PAWR: variants seen among roughly 807,000 people sequenced by gnomAD.
PAWR encodes the protein pro-apoptotic WT1 regulator, also known as PRKC apoptosis WT1 regulator protein.
Under a neutral mutation model 32.0 loss-of-function variants are expected in PAWR, and 23 were observed. That is an observed-to-expected ratio of 0.72 (90% CI 0.52 to 1.02). PAWR has a LOEUF of 1.02. Among genes scored for constraint, PAWR ranks in the 50% least tolerant of loss-of-function variants. The pLI is 0.00. For missense variants in PAWR, 457 were observed against 437.7 expected (o/e 1.04, Z -0.39); for synonymous variants, 226 against 187.1 (o/e 1.21, Z -1.70).
intron 2 of PAWR, among the ~76,000 whole-genome samples, chr12:79,686,445 T>G (rs1404031651): frequency 2.0e-5 from 3 of 152,176 alleles, no homozygotes; most frequent in Admixed American, 1.3e-4. Context: ...GTCCAACAGT[T>G]GTTATCACTG....
chr12:79,639,049 G>A lies in PAWR; in HGVS notation c.517-17842C>T, dbSNP rs1412445123. Among the ~76,000 whole-genome samples, 6 of 148,086 alleles carry A rather than the reference G, an allele frequency of 4.1e-5. No individual in the cohort carries two copies. In the East Asian group the frequency reaches 1.2e-3, roughly 30 times the overall value. On this transcript the variant is annotated intron_variant, in intron 2 of 6. Coordinates refer to ENST00000328827, the MANE Select transcript of PAWR (RefSeq NM_002583.4). ...TGCCTCAGCCTCCTGAGTAGCTGGG[G>A]TTACAGGCGCATGCCACCACGCACA... is the stretch of plus-strand genomic sequence containing the variant.
chr12:79,595,870 T>C (rs886717868), intron 5 of PAWR, among the ~76,000 whole-genome samples: 1 of 151,556 alleles, frequency 6.6e-6, no homozygotes, highest in Non-Finnish European at 1.5e-5. Flanking sequence ...AATAAATAAA[T>C]AAAAATAAAT....
At chr12:79,637,572 A>C (rs1219491496) in intron 2 of PAWR, among the ~76,000 whole-genome samples, 1 of 151,498 alleles carries the variant, frequency 6.6e-6, no homozygotes, top group Non-Finnish European at 1.5e-5. Flanking sequence ...AATTGAAATA[A>C]GGTCAAATTA....
At chr12:79,664,232 CT>C (rs904380516) in intron 2 of PAWR, among the ~76,000 whole-genome samples, 1 of 152,084 alleles carries the variant, frequency 6.6e-6, no homozygotes, top group East Asian at 1.9e-4. Flanking sequence ...TAGACCCCAA[CT>C]TTTTTTTAAG....
intron 3 of PAWR, among the ~76,000 whole-genome samples, chr12:79,619,659 G>A (rs1874908719): frequency 6.6e-6 from 1 of 152,158 alleles, no homozygotes; most frequent in Non-Finnish European, 1.5e-5. Context: ...AAGTACAACT[G>A]TTAAGACTGG....
intron 2 of PAWR, among the ~76,000 whole-genome samples, chr12:79,637,243 AG>A (rs1294042721): frequency 6.6e-6 from 1 of 152,124 alleles, no homozygotes; most frequent in Non-Finnish European, 1.5e-5. Context: ...GTGTGGATTA[AG>A]TGCCTGTGCT....
intron 2 of PAWR, among the ~76,000 whole-genome samples, chr12:79,627,353 T>G (rs956877104): frequency 1.4e-4 from 22 of 152,334 alleles, no homozygotes; most frequent in African/African-American, 5.3e-4. Flanking sequence ...ATGATGAGCA[T>G]TTTTTCATGT....
intron 2 of PAWR, among the ~76,000 whole-genome samples, chr12:79,625,960 C>G (rs1365144238): frequency 1.3e-5 from 2 of 150,480 alleles, no homozygotes; most frequent in Non-Finnish European, 3.0e-5. Flanking sequence ...GTCAGGAGAT[C>G]GAGACCATCC....
chr12:79,666,674 A>G (rs1271828661), intron 2 of PAWR, among the ~76,000 whole-genome samples: 2 of 152,196 alleles, frequency 1.3e-5, no homozygotes, highest in African/African-American at 4.8e-5. Flanking sequence ...ACAGTGGACC[A>G]ATTTTCTAAA....
At chr12:79,689,270 AT>A (rs1878842692) in intron 2 of PAWR, among the ~76,000 whole-genome samples, 1 of 152,206 alleles carries the variant, frequency 6.6e-6, no homozygotes, top group Non-Finnish European at 1.5e-5. Flanking sequence ...CTAAGGCAAC[AT>A]TTTCTTTACA....
At position 79,596,713 on chromosome 12, in the gene PAWR, C is replaced by A. The variant is rs115928733; in HGVS notation, c.684-55G>T. The A allele has an allele frequency of 4.1e-4, 484 of 1,190,542 alleles. 1 individual carries two copies. The African/African-American group carries it at 5.7e-3, about 14-fold the overall frequency. 73.7% of individuals were successfully genotyped at this position (1,190,542 alleles called of 1,614,324 possible). A position where few individuals can be genotyped will look rare whatever the true frequency, so the allele number is the denominator to read the frequency against. On this transcript the variant is annotated intron_variant, in intron 4 of 6. Coordinates refer to ENST00000328827, the MANE Select transcript of PAWR (RefSeq NM_002583.4). ...CCCTAGTATTCAGCAAGAAAAATGCCAAGAATATTTTCTATTGAGCTTAAA... is the reference window on the plus strand; with the variant it reads ...CCCTAGTATTCAGCAAGAAAAATGCAAAGAATATTTTCTATTGAGCTTAAA...
chr12:79,675,536 A>G (rs2136866179), intron 2 of PAWR, among the ~76,000 whole-genome samples: 1 of 152,328 alleles, frequency 6.6e-6, no homozygotes, highest in South Asian at 2.1e-4. Flanking sequence ...CATAAACACC[A>G]TGGAATCCTA....
Position 79,674,575 on chromosome 12 carries a change from G to C in PAWR, c.516+15154C>G, listed in dbSNP as rs540172669. Among the ~76,000 whole-genome samples, 37 of 152,170 alleles carry C rather than the reference G, an allele frequency of 2.4e-4. 1 individual carries two copies. The highest frequency in any genetic ancestry group is 8.4e-4 in the African/African-American group (35 of 41,554). ...ACAAGTGGGACCTAATCAAACTAAA[G>C]AGCTTCTGCACAGCAAAATAAACTA... On this transcript the variant is annotated intron_variant, in intron 2 of 6. Coordinates refer to ENST00000328827, the MANE Select transcript of PAWR (RefSeq NM_002583.4).
At chr12:79,649,457 T>C (rs1876737339) in intron 2 of PAWR, among the ~76,000 whole-genome samples, 1 of 152,040 alleles carries the variant, frequency 6.6e-6, no homozygotes, top group African/African-American at 2.4e-5. Flanking sequence ...TATAGCATTG[T>C]CATATTAAAA....
At chr12:79,620,971 G>A in intron 3 of PAWR, 105 bp downstream of exon 3, 2 of 804,470 alleles carry the variant, frequency 2.5e-6, no homozygotes, top group Non-Finnish European at 3.9e-6. Flanking sequence ...TAAGTAGGAG[G>A]AAAGGAGGCA....
At chr12:79,672,747 T>A (rs1262895800) in intron 2 of PAWR, among the ~76,000 whole-genome samples, 2 of 152,256 alleles carry the variant, frequency 1.3e-5, no homozygotes, top group Middle Eastern at 3.4e-3. Context: ...AGATTCTAAT[T>A]TTTTTCTGTA....
intron 2 of PAWR, among the ~76,000 whole-genome samples, chr12:79,684,542 T>C (rs1878592866): frequency 1.3e-5 from 2 of 150,512 alleles, no homozygotes; most frequent in African/African-American, 4.9e-5. Context: ...ACCCGGGAGG[T>C]GGAGGCTGCA....
At position 79,596,601 on chromosome 12, in the gene PAWR, A is replaced by C; in HGVS notation, c.741T>G (p.Ser247Arg). 3 of 1,599,184 alleles carry C rather than the reference A, an allele frequency of 1.9e-6. No individual in the cohort carries two copies. The South Asian group carries it at 3.3e-5, about 18-fold the overall frequency. ...CATCCCTGTTATATCTAGGGAACCC[A>C]CTTCTATCTGTTCGAGAATATCTAC... is the stretch of plus-strand genomic sequence containing the variant. ...VSSRYSRTDR[S>R]GFPRYNRDAN... The change falls in exon 5 of 7, where the codon AGT (serine) becomes AGG (arginine). Residue 247 changes from serine (S) to arginine (R), a missense_variant. Transcript: ENST00000328827.
chr12:79,599,231 C>T (rs1873872759), intron 4 of PAWR, among the ~76,000 whole-genome samples: 1 of 152,066 alleles, frequency 6.6e-6, no homozygotes, highest in African/African-American at 2.4e-5. Context: ...CAATGTACAC[C>T]CTAGCATCTG....
Sources: allele counts gnomAD v4.1 joint callset (sites outside exome capture counted in the v4.1 genomes callset), GRCh38; gene constraint gnomAD v4.1.1; transcripts MANE v1.5; gene names NCBI Gene and HGNC (gene_info 2026-07-23, HGNC 2026-07-21).